The following REST variants were observed in gnomAD, a reference collection of about 807,000 sequenced individuals.
REST encodes RE1 silencing transcription factor, also known as RE1-silencing transcription factor.
In REST, 1 loss-of-function variant was observed where a neutral mutation model predicts 30.4. The ratio of observed to expected loss-of-function variants is 0.03; its 90% CI spans 0.01 to 0.16. The LOEUF is 0.16. Ranked by LOEUF, REST falls within the 10% of genes least tolerant of loss-of-function variation. REST has a pLI of 1.00. For missense variants in REST, 1,259 were observed against 1,329.5 expected (o/e 0.95, Z 0.82); for synonymous variants, 504 against 451.1 (o/e 1.12, Z -1.49).
Position 56,910,831 on chromosome 4 carries a change from T to A in REST, c.193T>A (p.Tyr65Asn). The A allele has an allele frequency of 6.2e-7, 1 of 1,614,224 alleles. No individual in the cohort carries two copies. Among genetic ancestry groups the A allele is most frequent in the Non-Finnish European group, 8.5e-7 (1 of 1,180,038 alleles). ...GGAAGTAAATGGCAGCTGCTGTGAT[T>A]ACCTGGTCGGTGAAGAAAGACAGAT... Reference protein sequence around the residue: ...TGEVNGSCCDYLVGEERQMAE... With the variant: ...TGEVNGSCCDNLVGEERQMAE... Residue 65 changes from tyrosine to asparagine, a missense_variant, in exon 2 of 4, where the codon TAC becomes AAC. This residue lies in a region of REST where 249 missense variants were observed against 251.5 expected (regional missense o/e 0.99). Transcript: ENST00000309042.
At chr4:56,925,673 T>G (rs1720669883) in intron 3 of REST, among the ~76,000 whole-genome samples, 1 of 152,328 alleles carries the variant, frequency 6.6e-6, no homozygotes, top group South Asian at 2.1e-4. Flanking sequence ...GAAAAAGAAT[T>G]TAAAATTGTT....
At chr4:56,921,614 T>C (rs1720457250) in intron 3 of REST, among the ~76,000 whole-genome samples, 1 of 152,102 alleles carries the variant, frequency 6.6e-6, no homozygotes, top group Non-Finnish European at 1.5e-5. Context: ...TTCGCCATGT[T>C]GGTCAGCTTG....
chr4:56,914,789 GGTC>G (rs1720100959), intron 2 of REST, among the ~76,000 whole-genome samples: 1 of 151,944 alleles, frequency 6.6e-6, no homozygotes, highest in African/African-American at 2.4e-5. Context: ...CCTGACCTCA[GGTC>G]GTCTGCCCAC....
rs1719700859 is a variant in REST at position 56,908,047 on chromosome 4, G to A, written c.-176G>A. On this transcript the variant is annotated 5_prime_UTR_variant, in exon 1 of 4. Coordinates refer to ENST00000309042, the MANE Select transcript of REST (RefSeq NM_005612.5). Reference sequence around the variant, plus strand: ...GGCAGGGCGAGGCCCGGAGGCCTGAGCACCCTCTGCAGCCCCACTCCTGGG... The same window carrying A: ...GGCAGGGCGAGGCCCGGAGGCCTGAACACCCTCTGCAGCCCCACTCCTGGG... 1 of 364,818 alleles carries A rather than the reference G, an allele frequency of 2.7e-6. No homozygotes were observed. Among genetic ancestry groups the A allele is most frequent in the East Asian group, 3.8e-5 (1 of 26,034 alleles). 22.6% of individuals were successfully genotyped at this position (364,818 alleles called of 1,614,324 possible).
Position 56,930,922 on chromosome 4 carries a change from T to G in REST, c.2064T>G (p.Pro688=), listed in dbSNP as rs922596945. 1 of 1,613,584 alleles carries G rather than the reference T, an allele frequency of 6.2e-7. No individual in the cohort carries two copies. Among genetic ancestry groups the G allele is most frequent in the African/African-American group, 1.3e-5 (1 of 74,856 alleles). Residue 688 remains proline (P), a synonymous_variant, in exon 4 of 4, where the codon CCT becomes CCG. Transcript: ENST00000309042. ...TTGTACTTGCTCACATGGAGCTGCC[T>G]CCTCCCATGGAGACTGCTCAGACGG... ...AQIVLAHMEL[P]PPMETAQTEV...
At chr4:56,928,204 C>T (rs4280804) in intron 3 of REST, among the ~76,000 whole-genome samples, 142,752 of 152,248 alleles carry the variant, frequency 0.94, 66,980 homozygotes, top group African/African-American at 0.97. Context: ...CCTTCTGGGT[C>T]CAAGCAATTC....
chr4:56,925,844 A>AC (rs1720680499), intron 3 of REST, among the ~76,000 whole-genome samples: 2 of 152,250 alleles, frequency 1.3e-5, no homozygotes, highest in Non-Finnish European at 2.9e-5. Context: ...GAAAATTTCT[A>AC]CATCCTCCCT....
rs528953101 is a variant in REST at position 56,931,062 on chromosome 4, C to T, written c.2204C>T (p.Pro735Leu). The change falls in exon 4 of 4, where the codon CCT becomes CTT. Residue 735 changes from proline (P) to leucine (L), a missense_variant. Coordinates refer to ENST00000309042, the MANE Select transcript of REST (RefSeq NM_005612.5). Reference sequence around the variant, plus strand: ...GAGCCTGTTCAGATGGAGCTGTCTCCTCCCATGGAGGTGGTCCAGAAGGAG... The same window carrying T: ...GAGCCTGTTCAGATGGAGCTGTCTCTTCCCATGGAGGTGGTCCAGAAGGAG... ...QKEPVQMELS[P>L]PMEVVQKEPV... is the part of the protein sequence containing the mutation. 48 of 1,384,992 alleles carry T rather than the reference C, an allele frequency of 3.5e-5. No individual in the cohort carries two copies. The South Asian group carries it at 5.0e-4, about 15-fold the overall frequency. 85.8% of individuals were successfully genotyped at this position (1,384,992 alleles called of 1,614,324 possible). A position where few individuals can be genotyped will look rare whatever the true frequency, so the allele number is the denominator to read the frequency against.
intron 3 of REST, chr4:56,922,369 A>G (rs546491673): frequency 2.7e-5 from 4 of 150,744 alleles, no homozygotes; most frequent in African/African-American, 7.3e-5. Flanking sequence ...GCTGGAATAA[A>G]ATGGTGTGAT....
chr4:56,922,123 T>C (rs962042763), intron 3 of REST, among the ~76,000 whole-genome samples: 3 of 152,118 alleles, frequency 2.0e-5, no homozygotes, highest in Admixed American at 2.0e-4. Context: ...CATTGAGTGG[T>C]GCCACTTAAC....
rs1484206596 is a variant in REST, at chr4:56,930,583, G to A, written c.1725G>A (p.Met575Ile). Reference protein sequence around the residue: ...VEENKKQNTCMKKSTKKKTLK... With the variant: ...VEENKKQNTCIKKSTKKKTLK... Reference sequence around the variant, plus strand: ...AGAATAAAAAGCAAAATACTTGCATGAAAAAAAGTACAAAGAAGAAAACTC... The same window carrying A: ...AGAATAAAAAGCAAAATACTTGCATAAAAAAAAGTACAAAGAAGAAAACTC... Residue 575 changes from methionine to isoleucine, a missense_variant, in exon 4 of 4, where the codon ATG becomes ATA. By Grantham distance (10) the Met-to-Ile change is conservative. This residue lies in a region of REST where 856 missense variants were observed against 772.8 expected (regional missense o/e 1.11). Coordinates refer to ENST00000309042, the MANE Select transcript of REST (RefSeq NM_005612.5). The A allele has an allele frequency of 6.2e-7, 1 of 1,611,918 alleles. No homozygotes were observed. The highest frequency in any genetic ancestry group is 8.5e-7 in the Non-Finnish European group (1 of 1,179,658).
chr4:56,923,677 G>T (rs1720551808), intron 3 of REST, among the ~76,000 whole-genome samples: 1 of 151,568 alleles, frequency 6.6e-6, no homozygotes, highest in Non-Finnish European at 1.5e-5. Context: ...GGAATTACAG[G>T]CATGAGTCAC....
At chr4:56,915,384 T>TA (rs2109535667) in intron 2 of REST, among the ~76,000 whole-genome samples, 2 of 151,608 alleles carry the variant, frequency 1.3e-5, no homozygotes, top group South Asian at 4.2e-4. Flanking sequence ...GAGCTGGGAT[T>TA]ACAGGTGCGT....
Position 56,927,077 on chromosome 4 carries a change from C to G in REST, c.983-2764C>G, listed in dbSNP as rs1489909696. On this transcript the variant is annotated intron_variant, in intron 3 of 3. Transcript: ENST00000309042. ...CGCCATTGCACTCCAGACTGGGCAA[C>G]AAGAGTGAAACTCCATCTCAAGAAA... Among the ~76,000 whole-genome samples the G allele has an allele frequency of 2.0e-5, 3 of 148,006 alleles. No homozygotes were observed. In the Admixed American group the frequency reaches 2.1e-4, roughly 10 times the overall value.
chr4:56,932,452 T>G lies in REST; in HGVS notation c.*300T>G. ...CTTTGTCCAGCTACAACTTGTCATT[T>G]TTTTCTCCATGTCTTATCTTCCTGT... is the stretch of plus-strand genomic sequence containing the variant. On this transcript the variant is annotated 3_prime_UTR_variant, in exon 4 of 4. Transcript: ENST00000309042. 2 of 220,938 alleles carry G rather than the reference T, an allele frequency of 9.1e-6. No individual in the cohort carries two copies. The allele number at this position is 220,938 out of a possible 1,614,324, so 13.7% of individuals were successfully genotyped here.
Position 56,930,011 on chromosome 4 carries a change from A to G in REST, c.1153A>G (p.Asn385Asp). The G allele has an allele frequency of 6.2e-7, 1 of 1,614,188 alleles. No homozygotes were observed. ...NFKKHVELHV[N>D]PRQFNCPVCD... ...CAAAAAACATGTAGAGCTACATGTGAACCCACGGCAGTTCAATTGCCCTGT... is the reference window on the plus strand; with the variant it reads ...CAAAAAACATGTAGAGCTACATGTGGACCCACGGCAGTTCAATTGCCCTGT... The change falls in exon 4 of 4, where the codon AAC becomes GAC. Residue 385 changes from asparagine to aspartate, a missense_variant. Around this residue, in one of 5 missense-constraint regions of REST, gnomAD observed 125 missense variants for 255.4 expected, o/e 0.49. Transcript: ENST00000309042.
intron 2 of REST, among the ~76,000 whole-genome samples, chr4:56,912,440 A>G (rs1346953276): frequency 6.6e-6 from 1 of 150,576 alleles, no homozygotes; most frequent in Non-Finnish European, 1.5e-5. Context: ...TCAGGGTTCA[A>G]GTGATTATCT....
At chr4:56,929,372 C>CT (rs772028777) in intron 3 of REST, among the ~76,000 whole-genome samples, 30 of 152,166 alleles carry the variant, frequency 2.0e-4, no homozygotes, top group Non-Finnish European at 8.8e-5. Flanking sequence ...AGGTTGTTCT[C>CT]TAATTCCTGG....
Position 56,930,304 on chromosome 4 carries a change from T to C in REST, c.1446T>C (p.Asn482=), listed in dbSNP as rs1720901238. The change falls in exon 4 of 4, where the codon AAT becomes AAC. Residue 482 remains asparagine, a synonymous_variant. Coordinates refer to ENST00000309042, the MANE Select transcript of REST (RefSeq NM_005612.5). The part of the protein sequence containing the change: ...DVSKEKKPSN[N]VSVIQVTTRT... Reference sequence around the variant, plus strand: ...CAAAAGAGAAAAAGCCTTCTAATAATGTGTCAGTGATCCAGGTGACTACCA... The same window carrying C: ...CAAAAGAGAAAAAGCCTTCTAATAACGTGTCAGTGATCCAGGTGACTACCA... 6.2e-7 allele frequency: 1 copy of C among 1,613,968 alleles called. No homozygotes were observed. Among genetic ancestry groups the C allele is most frequent in the African/African-American group, 1.3e-5 (1 of 75,042 alleles).
Sources: gnomAD v4.1 joint callset for allele counts (sites outside exome capture counted in the v4.1 genomes callset) on GRCh38, gnomAD v4.1.1 for gene constraint, gnomAD v4.1.1 regional missense constraint, MANE v1.5 for transcripts, NCBI Gene and HGNC (gene_info 2026-07-23, HGNC 2026-07-21) for gene names.